PRKCB: variants seen among roughly 807,000 people sequenced by gnomAD.
PRKCB encodes the protein protein kinase C beta type.
Under a neutral mutation model 81.5 loss-of-function variants are expected in PRKCB, and 13 were observed. The ratio of observed to expected loss-of-function variants is 0.16; its 90% CI spans 0.10 to 0.25. The LOEUF (loss-of-function observed/expected upper bound fraction) is 0.25. PRKCB is among the 10% of genes least tolerant of loss of function. The probability of loss-of-function intolerance (pLI) is 1.00; values close to 1 mark genes in which losing one functional copy is unlikely to be tolerated. For missense variants in PRKCB, 509 were observed against 875.7 expected, an observed-to-expected ratio of 0.58 and a Z score of 5.29; for synonymous variants, 335 against 321.4, an observed-to-expected ratio of 1.04 and a Z score of -0.45.
At chr16:24,200,084 G>T (rs757296358) in intron 16 of PRKCB, among the ~76,000 whole-genome samples, 11 of 152,196 alleles carry the variant, frequency 7.2e-5, no homozygotes, top group Non-Finnish European at 1.6e-4. Context: ...GATTTTAAAA[G>T]ATGCAAATCT....
At chr16:24,113,250 T>C (rs572564142) in intron 8 of PRKCB, among the ~76,000 whole-genome samples, 181 bp downstream of exon 8, 5 of 150,360 alleles carry the variant, frequency 3.3e-5, no homozygotes, top group African/African-American at 1.2e-4. Context: ...CTTACTTGCT[T>C]GCTTTCTCGC....
intron 5 of PRKCB, among the ~76,000 whole-genome samples, chr16:24,065,675 T>C (rs893749468): frequency 7.2e-5 from 11 of 152,184 alleles, no homozygotes; most frequent in African/African-American, 2.4e-4. Context: ...GAACGTCTTT[T>C]ATTATTTAGT....
chr16:24,109,040 C>A (rs1291710182), intron 7 of PRKCB, among the ~76,000 whole-genome samples: 1 of 145,346 alleles, frequency 6.9e-6, no homozygotes, highest in Non-Finnish European at 1.5e-5. Flanking sequence ...GCTGACCCCC[C>A]CACCTCTCTC....
intron 5 of PRKCB, among the ~76,000 whole-genome samples, chr16:24,078,501 C>T (rs1408650397): frequency 6.6e-6 from 1 of 152,214 alleles, no homozygotes; most frequent in Non-Finnish European, 1.5e-5. Context: ...ACCCTCAGGG[C>T]CAACCTGAGG....
intron 2 of PRKCB, among the ~76,000 whole-genome samples, chr16:23,848,229 A>C (rs1378122412): frequency 6.6e-6 from 1 of 152,138 alleles, no homozygotes; most frequent in Admixed American, 6.6e-5. Flanking sequence ...TTAAAGTGGG[A>C]TGTGTGGGGG....
intron 2 of PRKCB, among the ~76,000 whole-genome samples, chr16:23,847,037 C>T (rs746284700): frequency 6.6e-6 from 1 of 152,042 alleles, no homozygotes; most frequent in Non-Finnish European, 1.5e-5. Context: ...CCAGAGAGCT[C>T]TGATCCACTC....
intron 2 of PRKCB, among the ~76,000 whole-genome samples, chr16:23,958,062 G>A (rs1043068507): frequency 3.3e-5 from 5 of 152,178 alleles, no homozygotes; most frequent in African/African-American, 1.2e-4. Context: ...CACAATCTTG[G>A]CTCACTGCAA....
chr16:24,219,795 T>C lies in PRKCB; in HGVS notation c.*4979T>C. ...TTTCTATCCCCAAGCCAACATACAA[T>C]GTGAAATGAAAGCCAGTGCGTGGAG... On this transcript the variant is annotated 3_prime_UTR_variant, in exon 17 of 17. Transcript: ENST00000643927. 4 of 1,415,644 alleles carry C rather than the reference T, an allele frequency of 2.8e-6. No homozygotes were observed. The highest frequency in any genetic ancestry group is 3.7e-6 in the Non-Finnish European group (4 of 1,086,456). The allele number at this position is 1,415,644 out of a possible 1,614,324, so 87.7% of individuals were successfully genotyped here.
intron 2 of PRKCB, among the ~76,000 whole-genome samples, chr16:23,907,775 C>G (rs1963584197): frequency 6.6e-6 from 1 of 152,072 alleles, no homozygotes; most frequent in Non-Finnish European, 1.5e-5. Context: ...AACAGAGGTT[C>G]CCACCTAGCC....
chr16:23,875,617 C>CATGTATGTATATCACAT (rs1962993397), intron 2 of PRKCB, among the ~76,000 whole-genome samples: 2 of 33,086 alleles, frequency 6.0e-5, no homozygotes, highest in African/African-American at 9.2e-5. Flanking sequence ...ATATCACACA[C>CATGTATGTATATCACAT]ATATATGTAT....
intron 5 of PRKCB, among the ~76,000 whole-genome samples, chr16:24,081,938 T>C (rs1371490650): frequency 6.6e-6 from 1 of 151,966 alleles, no homozygotes; most frequent in Non-Finnish European, 1.5e-5. Context: ...AAAAATTGTT[T>C]CTATACACAG....
intron 2 of PRKCB, among the ~76,000 whole-genome samples, chr16:23,914,569 C>A (rs1238209931): frequency 6.6e-6 from 1 of 152,092 alleles, no homozygotes; most frequent in Non-Finnish European, 1.5e-5. Context: ...TGATCTTGGG[C>A]AAATTAATTA....
chr16:23,878,420 G>A (rs569302706), intron 2 of PRKCB, among the ~76,000 whole-genome samples: 3 of 152,110 alleles, frequency 2.0e-5, no homozygotes, highest in East Asian at 1.9e-4. Flanking sequence ...GACACATCTC[G>A]GACTCCTTGC....
rs191978413 is a variant in PRKCB, at chr16:23,985,031, T to A, written c.206-3477T>A. On this transcript the variant is annotated intron_variant, in intron 2 of 16. Transcript: ENST00000643927. ...TCCACAAAAGCTATTTGAGTTTTTT[T>A]AAAAAATGCTTTAAAATAAATATGC... is the stretch of plus-strand genomic sequence containing the variant. Among the ~76,000 whole-genome samples the A allele has an allele frequency of 6.1e-3, 923 of 152,332 alleles. 4 individuals carry two copies. The highest frequency in any genetic ancestry group is 9.1e-3 in the Non-Finnish European group (620 of 68,026).
intron 2 of PRKCB, among the ~76,000 whole-genome samples, chr16:23,982,323 T>C (rs1363719604): frequency 2.0e-5 from 2 of 100,474 alleles, no homozygotes; most frequent in South Asian, 4.1e-4. Context: ...TCCCTTTCCC[T>C]TCCCCTTCCC....
At chr16:23,902,824 G>T in intron 2 of PRKCB, among the ~76,000 whole-genome samples, 1 of 93,040 alleles carries the variant, frequency 1.1e-5, no homozygotes, top group Non-Finnish European at 2.0e-5. Flanking sequence ...CTTTTTTTGA[G>T]ATAGGGTCTC....
chr16:23,860,941 G>A (rs1252607549), intron 2 of PRKCB, among the ~76,000 whole-genome samples: 5 of 151,818 alleles, frequency 3.3e-5, no homozygotes, highest in African/African-American at 4.8e-5. Context: ...TTAATTCTTC[G>A]GGTTAAGGAG....
At chr16:24,120,599 T>C (rs1449668082) in intron 8 of PRKCB, among the ~76,000 whole-genome samples, 1 of 152,174 alleles carries the variant, frequency 6.6e-6, no homozygotes, top group Non-Finnish European at 1.5e-5. Context: ...TGCCAGTTGG[T>C]CAGAACAGAG....
chr16:23,859,507 A>T (rs934722933), intron 2 of PRKCB, among the ~76,000 whole-genome samples: 1 of 152,172 alleles, frequency 6.6e-6, no homozygotes, highest in African/African-American at 2.4e-5. Context: ...TAAATCACAC[A>T]TTGATAACTC....
Sources: allele counts gnomAD v4.1 joint callset (sites outside exome capture counted in the v4.1 genomes callset), GRCh38; gene constraint gnomAD v4.1.1; transcripts MANE v1.5; gene names NCBI Gene and HGNC (gene_info 2026-07-23, HGNC 2026-07-21).